Variants in FMN1 observed in about 807,000 individuals in gnomAD.
FMN1 encodes formin-1.
In FMN1, 110 loss-of-function variants were observed where a neutral mutation model predicts 132.4. The observed-to-expected ratio is 0.83, with a 90% CI of 0.71 to 0.97. The LOEUF is 0.97. Ranked by LOEUF, FMN1 falls within the 50% of genes least tolerant of loss-of-function variation. FMN1 has a pLI of 0.00. For missense variants in FMN1, 1,792 were observed against 1,705.3 expected (o/e 1.05, Z -0.90); for synonymous variants, 722 against 651.7 (o/e 1.11, Z -1.64).
At chr15:32,985,845 A>G (rs1476157800) in intron 7 of FMN1, among the ~76,000 whole-genome samples, 1 of 152,130 alleles carries the variant, frequency 6.6e-6, no homozygotes, top group African/African-American at 2.4e-5. Context: ...CAAAATAAAG[A>G]TATTAATATT....
rs60489744 is a variant in FMN1, at chr15:33,128,809, C to G, written c.1867+24239G>C. On this transcript the variant is annotated intron_variant, in intron 4 of 20. Transcript: ENST00000616417. ...TGAGCAGCAGCAAGATTTACTGTCA[C>G]GAGCAAAATAACAAAGCCTCCGCAA... Among the ~76,000 whole-genome samples, 759 of 152,320 alleles carry G rather than the reference C, an allele frequency of 5.0e-3. 3 individuals carry two copies. The highest frequency in any genetic ancestry group is 0.018 in the African/African-American group (734 of 41,562).
At chr15:32,791,346 A>G (rs900626837) in intron 19 of FMN1, among the ~76,000 whole-genome samples, 6 of 139,518 alleles carry the variant, frequency 4.3e-5, no homozygotes, top group African/African-American at 1.3e-4. Context: ...TCTCATGCTT[A>G]GCTGTGAAAT....
At chr15:33,188,757 G>T (rs1965976296) in intron 2 of FMN1, among the ~76,000 whole-genome samples, 1 of 152,028 alleles carries the variant, frequency 6.6e-6, no homozygotes, top group African/African-American at 2.4e-5. Flanking sequence ...TTCGTAGGCT[G>T]CAGGGCTGTT....
chr15:32,785,213 TATA>T (rs1411739185), intron 19 of FMN1, among the ~76,000 whole-genome samples: 4 of 62,096 alleles, frequency 6.4e-5, no homozygotes, highest in East Asian at 1.1e-3. Context: ...TATATATATA[TATA>T]TATTTTTTTT....
At chr15:32,855,156 G>GGAAAAAA (rs1567276053) in intron 17 of FMN1, among the ~76,000 whole-genome samples, 1 of 70,578 alleles carries the variant, frequency 1.4e-5, no homozygotes, top group Non-Finnish European at 2.5e-5. Context: ...TACGTGGAGA[G>GGAAAAAA]TAAAAAAAAA....
At chr15:33,066,875 G>A (rs2037755172) in intron 5 of FMN1, 1 of 1,613,962 alleles carries the variant, frequency 6.2e-7, no homozygotes, top group Non-Finnish European at 8.5e-7. Context: ...AGTGGGAGTG[G>A]CCTTCGGATC....
At chr15:32,849,735 C>T (rs373621198) in intron 17 of FMN1, among the ~76,000 whole-genome samples, 1 of 152,224 alleles carries the variant, frequency 6.6e-6, no homozygotes, top group East Asian at 1.9e-4. Flanking sequence ...CAGCTCACTG[C>T]AACCTTTGCT....
intron 5 of FMN1, among the ~76,000 whole-genome samples, chr15:33,088,202 A>C (rs1016285792): frequency 6.6e-6 from 1 of 152,168 alleles, no homozygotes; most frequent in Admixed American, 6.6e-5. Flanking sequence ...CCAAAAACCT[A>C]TTGAAATTAA....
intron 19 of FMN1, among the ~76,000 whole-genome samples, chr15:32,780,467 G>A (rs1190705882): frequency 1.3e-5 from 2 of 152,158 alleles, no homozygotes; most frequent in Non-Finnish European, 2.9e-5. Context: ...AAAAAGGGAG[G>A]CATGAATAAT....
In FMN1 at chr15:32,952,085, G is replaced by C. The variant is rs574311682; in HGVS notation, c.3138+12022C>G. On this transcript the variant is annotated intron_variant, in intron 9 of 20. Transcript: ENST00000616417. ...CTACCTCCTTTTCCATGCACCTTCA[G>C]CCTCAGAGGCTCATCCTTTCCTGCA... Among the ~76,000 whole-genome samples the C allele has an allele frequency of 2.0e-5, 3 of 152,284 alleles. No individual in the cohort carries two copies. The East Asian group carries it at 5.8e-4, about 29-fold the overall frequency.
chr15:32,984,593 G>C (rs941297823), intron 7 of FMN1, among the ~76,000 whole-genome samples: 2 of 152,082 alleles, frequency 1.3e-5, no homozygotes, highest in Admixed American at 6.6e-5. Flanking sequence ...TATCATATTG[G>C]ATACAACTAA....
intron 9 of FMN1, among the ~76,000 whole-genome samples, chr15:32,929,684 T>G (rs1302693865): frequency 6.6e-6 from 1 of 152,170 alleles, no homozygotes; most frequent in Non-Finnish European, 1.5e-5. Context: ...TCATGCAGCA[T>G]TTATCTTTTT....
At chr15:33,116,901 G>T (rs868837757) in intron 4 of FMN1, among the ~76,000 whole-genome samples, 2 of 151,478 alleles carry the variant, frequency 1.3e-5, no homozygotes, top group Admixed American at 1.3e-4. Context: ...TAAAGAAAAC[G>T]AAGTACTTGA....
intron 16 of FMN1, among the ~76,000 whole-genome samples, chr15:32,875,874 G>T (rs1562929): frequency 0.52 from 79,480 of 152,008 alleles, 21,010 homozygotes; most frequent in South Asian, 0.55. Context: ...TGGTATGGTA[G>T]CTTGGGCGCT....
intron 14 of FMN1, 148 bp from the exon 15 acceptor site, chr15:32,899,041 T>G: frequency 1.7e-6 from 1 of 599,546 alleles, no homozygotes; most frequent in Non-Finnish European, 3.0e-6. Context: ...TTCCTCTGCT[T>G]TATCCCATCC....
intron 4 of FMN1, among the ~76,000 whole-genome samples, chr15:33,119,864 T>C (rs1962389061): frequency 6.6e-6 from 1 of 152,226 alleles, no homozygotes; most frequent in African/African-American, 2.4e-5. Flanking sequence ...TAGCCTTGCA[T>C]GTAAACTATG....
chr15:33,191,312 G>T (rs144515595), intron 2 of FMN1, among the ~76,000 whole-genome samples: 9 of 152,190 alleles, frequency 5.9e-5, no homozygotes, highest in Admixed American at 4.6e-4. Context: ...GAAGAGATAG[G>T]CATAGTTCGA....
chr15:33,060,506 T>C (rs2037432712), intron 6 of FMN1, among the ~76,000 whole-genome samples: 1 of 152,222 alleles, frequency 6.6e-6, no homozygotes, highest in Non-Finnish European at 1.5e-5. Flanking sequence ...TAATTTAAAA[T>C]ACTCTAAATA....
At chr15:32,865,380 G>A (rs377547422) in intron 16 of FMN1, among the ~76,000 whole-genome samples, 1 of 152,086 alleles carries the variant, frequency 6.6e-6, no homozygotes, top group African/African-American at 2.4e-5. Flanking sequence ...TTTATATAAG[G>A]TAAATAATTT....
Sources: gnomAD v4.1 joint callset for allele counts (sites outside exome capture counted in the v4.1 genomes callset) on GRCh38, gnomAD v4.1.1 for gene constraint, MANE v1.5 for transcripts, NCBI Gene and HGNC (gene_info 2026-07-23, HGNC 2026-07-21) for gene names.